The following CNKSR3 variants were observed in gnomAD, a reference collection of about 807,000 sequenced individuals.
CNKSR3 encodes connector enhancer of kinase suppressor of ras 3.
CNKSR3 carries 36 observed loss-of-function variants against 67.7 expected under a neutral mutation model. That is an observed-to-expected ratio of 0.53 (90% CI 0.41 to 0.70). The LOEUF (loss-of-function observed/expected upper bound fraction) is 0.70, where lower values mean the gene tolerates loss of function less well. Among genes scored for constraint, CNKSR3 ranks in the 30% least tolerant of loss-of-function variants. The pLI is 0.00. For synonymous variants in CNKSR3, 281 were observed against 271.4 expected (o/e 1.04, Z -0.35); for missense variants, 630 against 695.2 (o/e 0.91, Z 1.05).
intron 2 of CNKSR3, among the ~76,000 whole-genome samples, chr6:154,443,644 G>A (rs149830875): frequency 1.8e-4 from 28 of 151,994 alleles, no homozygotes; most frequent in African/African-American, 6.3e-4. Context: ...TCCACCAGGC[G>A]AGACACTCAC....
At chr6:154,476,417 A>T (rs1484395848) in intron 1 of CNKSR3, among the ~76,000 whole-genome samples, 1 of 148,882 alleles carries the variant, frequency 6.7e-6, no homozygotes, top group Non-Finnish European at 1.5e-5. Context: ...AGATCGTGCC[A>T]TTGCACTCCA....
intron 7 of CNKSR3, among the ~76,000 whole-genome samples, chr6:154,425,718 C>T (rs1785240889): frequency 6.6e-6 from 1 of 152,246 alleles, no homozygotes; most frequent in African/African-American, 2.4e-5. Context: ...CTCAGGTAAC[C>T]TTCAAAGAAA....
intron 10 of CNKSR3, among the ~76,000 whole-genome samples, chr6:154,412,118 A>C (rs1784924238): frequency 6.6e-6 from 1 of 152,200 alleles, no homozygotes; most frequent in Non-Finnish European, 1.5e-5. Context: ...ATACAGAATC[A>C]ACTGAGTCCC....
chr6:154,436,258 G>A (rs577598268), intron 4 of CNKSR3, among the ~76,000 whole-genome samples: 6 of 152,130 alleles, frequency 3.9e-5, no homozygotes, highest in East Asian at 1.9e-4. Context: ...TGCAGCCTCC[G>A]CTTCCCAAGC....
intron 1 of CNKSR3, among the ~76,000 whole-genome samples, chr6:154,478,094 AGAAGTCCTCTC>A (rs1443440982): frequency 6.6e-6 from 1 of 152,190 alleles, no homozygotes; most frequent in Non-Finnish European, 1.5e-5. Context: ...CACTTATCCA[AGAAGTCCTCTC>A]AAGAAAGGTG....
intron 12 of CNKSR3, among the ~76,000 whole-genome samples, chr6:154,408,333 A>G (rs2128710623): frequency 6.6e-6 from 1 of 152,184 alleles, no homozygotes; most frequent in East Asian, 1.9e-4. Flanking sequence ...AACTTCTCCC[A>G]TTTTGCACAT....
intron 1 of CNKSR3, among the ~76,000 whole-genome samples, chr6:154,452,226 G>GCA (rs967010875): frequency 1.3e-5 from 2 of 151,762 alleles, no homozygotes; most frequent in African/African-American, 4.9e-5. Flanking sequence ...AAGGGCTGAT[G>GCA]CACCCATCAT....
intron 1 of CNKSR3, among the ~76,000 whole-genome samples, chr6:154,483,290 CT>C (rs1464899869): frequency 6.6e-6 from 1 of 152,188 alleles, no homozygotes; most frequent in Non-Finnish European, 1.5e-5. Flanking sequence ...GTTCTTTAAC[CT>C]GTAAGAAAAC....
chr6:154,401,875 C>T lies in CNKSR3; in HGVS notation c.*4479G>A, dbSNP rs554036448. 1.3e-5 allele frequency: 2 copies of T among 152,252 alleles called. No homozygotes were observed. The highest frequency in any genetic ancestry group is 2.9e-5 in the Non-Finnish European group (2 of 68,034). The allele number at this position is 152,252 out of a possible 1,614,324, so 9.4% of individuals were successfully genotyped here. On this transcript the variant is annotated 3_prime_UTR_variant, in exon 13 of 13. Transcript: ENST00000607772. The stretch of plus-strand genomic sequence containing the variant: ...CAAATGTCAGACAGATTTACTTACT[C>T]GAGCTCTTTGGCGGATGAAAAGTTT...
rs1214126882 is a variant in CNKSR3 at position 154,391,908 on chromosome 6, T to G, written c.*14446A>C. 2.0e-5 allele frequency: 3 copies of G among 152,118 alleles called. No individual in the cohort carries two copies. The highest frequency in any genetic ancestry group is 2.9e-5 in the Non-Finnish European group (2 of 68,024). 9.4% of individuals were successfully genotyped at this position (152,118 alleles called of 1,614,324 possible). Reference sequence around the variant, plus strand: ...TATATATTTTTCAGTTTTACCTGTTTCTGAATGTTTAAAAAGAATGTAGCT... The same window carrying G: ...TATATATTTTTCAGTTTTACCTGTTGCTGAATGTTTAAAAAGAATGTAGCT... On this transcript the variant is annotated 3_prime_UTR_variant, in exon 13 of 13. Transcript: ENST00000607772.
chr6:154,465,900 T>C (rs1028241452), intron 1 of CNKSR3, among the ~76,000 whole-genome samples: 3 of 152,208 alleles, frequency 2.0e-5, no homozygotes, highest in African/African-American at 7.2e-5. Context: ...CTGTATATTC[T>C]TTCTAGGAAA....
chr6:154,468,349 G>A (rs1320112725), intron 1 of CNKSR3, among the ~76,000 whole-genome samples: 4 of 149,606 alleles, frequency 2.7e-5, no homozygotes, highest in African/African-American at 9.9e-5. Context: ...CACAGGGCTG[G>A]AATTACAGGC....
At chr6:154,503,832 T>C (rs1787043809) in intron 1 of CNKSR3, among the ~76,000 whole-genome samples, 1 of 152,138 alleles carries the variant, frequency 6.6e-6, no homozygotes, top group East Asian at 1.9e-4. Context: ...AAATTAAGTG[T>C]CATCATTCCA....
At position 154,392,219 on chromosome 6, in the gene CNKSR3, AAAAG is replaced by A. The variant is rs1784615912; in HGVS notation, c.*14131_*14134del. The A allele has an allele frequency of 6.6e-6, 1 of 152,064 alleles. No homozygotes were observed. Among genetic ancestry groups the A allele is most frequent in the South Asian group, 2.1e-4 (1 of 4,822 alleles). The allele number at this position is 152,064 out of a possible 1,614,324, so 9.4% of individuals were successfully genotyped here. On this transcript the variant is annotated 3_prime_UTR_variant, in exon 13 of 13. Coordinates refer to ENST00000607772, the MANE Select transcript of CNKSR3 (RefSeq NM_173515.4). ...AGAGAGACTCCATCTCAAAAAAAAA[AAAAG>A]AGTGTACCATTATATGTTGTCTTCT...
chr6:154,418,770 C>G (rs756374638), intron 9 of CNKSR3, among the ~76,000 whole-genome samples: 5 of 152,116 alleles, frequency 3.3e-5, no homozygotes, highest in Non-Finnish European at 7.4e-5. Flanking sequence ...TCTTTTGGCT[C>G]TGACTGCAAA....
In CNKSR3 at chr6:154,399,391, T is replaced by G. The variant is rs369922084; in HGVS notation, c.*6963A>C. 2 of 152,200 alleles carry G rather than the reference T, an allele frequency of 1.3e-5. No homozygotes were observed. The highest frequency in any genetic ancestry group is 3.9e-4 in the East Asian group (2 of 5,188). 9.4% of individuals were successfully genotyped at this position (152,200 alleles called of 1,614,324 possible). Reference sequence around the variant, plus strand: ...TGCCAGACTATGCGAAGAAAGGGCCTTAAAAACATTATCTCATTTAATCAC... The same window carrying G: ...TGCCAGACTATGCGAAGAAAGGGCCGTAAAAACATTATCTCATTTAATCAC... On this transcript the variant is annotated 3_prime_UTR_variant, in exon 13 of 13. Transcript: ENST00000607772.
chr6:154,448,548 C>A (rs1231793537), intron 2 of CNKSR3, among the ~76,000 whole-genome samples: 1 of 151,674 alleles, frequency 6.6e-6, no homozygotes, highest in Non-Finnish European at 1.5e-5. Context: ...CGTTACTGTA[C>A]AGATGGGAAA....
At chr6:154,417,764 A>C (rs1292195744) in intron 9 of CNKSR3, among the ~76,000 whole-genome samples, 1 of 152,178 alleles carries the variant, frequency 6.6e-6, no homozygotes, top group African/African-American at 2.4e-5. Context: ...CAGAGGAAGA[A>C]GACCACCATT....
intron 4 of CNKSR3, 26 bp from the exon 5 acceptor site, chr6:154,433,533 A>G: frequency 6.4e-7 from 1 of 1,554,230 alleles, no homozygotes; most frequent in Non-Finnish European, 8.8e-7. Flanking sequence ...GAGAAAATGA[A>G]TACTAAGTAC....
Sources: allele counts gnomAD v4.1 joint callset (sites outside exome capture counted in the v4.1 genomes callset), GRCh38; gene constraint gnomAD v4.1.1; transcripts MANE v1.5; gene names NCBI Gene and HGNC (gene_info 2026-07-23, HGNC 2026-07-21).